The following KIF3A variants were observed in gnomAD, a reference collection of about 807,000 sequenced individuals.
KIF3A encodes kinesin family member 3A.
A neutral mutation model predicts 92.6 loss-of-function variants in KIF3A; 27 were observed. The ratio of observed to expected loss-of-function variants is 0.29; its 90% CI spans 0.21 to 0.40. The LOEUF (loss-of-function observed/expected upper bound fraction) is 0.40, where lower values mean the gene tolerates loss of function less well. Among genes scored for constraint, KIF3A ranks in the 10% least tolerant of loss-of-function variants. The probability of loss-of-function intolerance (pLI) is 1.00; values close to 1 mark genes in which losing one functional copy is unlikely to be tolerated. For synonymous variants in KIF3A, 250 were observed against 275.4 expected (o/e 0.91, Z 0.92); for missense variants, 581 against 872.6 (o/e 0.67, Z 4.21).
At chr5:132,718,249 C>T (rs1362526568) in intron 5 of KIF3A, among the ~76,000 whole-genome samples, 1 of 152,216 alleles carries the variant, frequency 6.6e-6, no homozygotes, top group Admixed American at 6.5e-5. Context: ...TTTATCCCCC[C>T]ACTGACAAAC....
intron 8 of KIF3A, 102 bp from the exon 9 acceptor site, chr5:132,711,159 AAAC>A (rs891706199): frequency 9.8e-7 from 1 of 1,025,542 alleles, no homozygotes; most frequent in African/African-American, 1.6e-5. Context: ...TTGTTACTGC[AAAC>A]AACAAATTTA....
intron 2 of KIF3A, 132 bp downstream of exon 2, chr5:132,734,073 G>T (rs2149924203): frequency 1.3e-6 from 1 of 747,774 alleles, no homozygotes; most frequent in Non-Finnish European, 2.1e-6. Context: ...TCTAAAGCTG[G>T]ATTGTGATGA....
chr5:132,715,632 A>C, intron 8 of KIF3A, 125 bp downstream of exon 8: 1 of 632,886 alleles, frequency 1.6e-6, no homozygotes, highest in Non-Finnish European at 2.6e-6. Flanking sequence ...TTCTAGAAAT[A>C]TTCATTTAAC....
chr5:132,701,644 T>C (rs942808076), intron 15 of KIF3A, among the ~76,000 whole-genome samples: 1 of 152,056 alleles, frequency 6.6e-6, no homozygotes, highest in African/African-American at 2.4e-5. Context: ...TGAATGATGG[T>C]ACAGGTTGCA....
chr5:132,690,343 AACGCACCACTGCACTC>A (rs1470338637), downstream of KIF3A, among the ~76,000 whole-genome samples: 2 of 152,156 alleles, frequency 1.3e-5, no homozygotes, highest in African/African-American at 4.8e-5. Flanking sequence ...GTGAGCTATG[AACGCACCACTGCACTC>A]ACGCCTGGGC....
At chr5:132,732,777 C>T (rs936144811) in intron 2 of KIF3A, among the ~76,000 whole-genome samples, 27 of 152,060 alleles carry the variant, frequency 1.8e-4, no homozygotes, top group African/African-American at 6.3e-4. Flanking sequence ...GGTGTGTTGG[C>T]GGGCGCCTGT....
intron 18 of KIF3A, among the ~76,000 whole-genome samples, chr5:132,698,922 G>C (rs949196600): frequency 6.6e-6 from 1 of 151,984 alleles, no homozygotes; most frequent in South Asian, 2.1e-4. Flanking sequence ...ATTTTTAGTA[G>C]AGACAGCGTT....
rs577498790 is a variant in KIF3A, at chr5:132,694,522, A to C, written c.*2112T>G. ...TAGGGTGGGATAGAAAAAATATCTA[A>C]CATACTGGCTTAAATTTCCATGTTT... On this transcript the variant is annotated 3_prime_UTR_variant, in exon 19 of 19. Transcript: ENST00000403231. 1.0e-4 allele frequency: 16 copies of C among 152,472 alleles called. No individual in the cohort carries two copies. The highest frequency in any genetic ancestry group is 4.4e-5 in the Non-Finnish European group (3 of 68,034). The allele number at this position is 152,472 out of a possible 1,614,324, so 9.4% of individuals were successfully genotyped here. A position where few individuals can be genotyped will look rare whatever the true frequency, so the allele number is the denominator to read the frequency against.
chr5:132,726,707 A>G (rs1421530008), intron 2 of KIF3A, among the ~76,000 whole-genome samples: 1 of 152,232 alleles, frequency 6.6e-6, no homozygotes, highest in East Asian at 1.9e-4. Flanking sequence ...AATGAGAGAT[A>G]TCCCTAAGAA....
At chr5:132,705,254 GTA>G (rs1201909731) in intron 11 of KIF3A, among the ~76,000 whole-genome samples, 2 of 151,894 alleles carry the variant, frequency 1.3e-5, no homozygotes, top group African/African-American at 4.8e-5. Flanking sequence ...ATCAGTTCAG[GTA>G]TATAGTAAGT....
Position 132,703,588 on chromosome 5 carries a change from A to C in KIF3A, c.1341T>G (p.Ile447Met), listed in dbSNP as rs754000350. 2.4e-5 allele frequency: 39 copies of C among 1,611,334 alleles called. No homozygotes were observed. In the Admixed American group the frequency reaches 6.0e-4, roughly 25 times the overall value. ...CCTCATCAATTTTTGCTTGCATTTC[A>C]ATCATCTTGTCTGGGGAGACTTTCT... ...GKKKVSPDKM[I>M]EMQAKIDEER... Residue 447 changes from isoleucine to methionine, a missense_variant, in exon 12 of 19, where the codon ATT (isoleucine) becomes ATG (methionine). By Grantham distance (10) the Ile-to-Met change is conservative. Around this residue, in one of 5 missense-constraint regions of KIF3A, gnomAD observed 167 missense variants for 205.8 expected, o/e 0.81. Transcript: ENST00000403231.
intron 8 of KIF3A, among the ~76,000 whole-genome samples, chr5:132,714,384 T>A (rs896878668): frequency 2.0e-5 from 3 of 152,170 alleles, no homozygotes; most frequent in Non-Finnish European, 4.4e-5. Context: ...GCCACAGAAA[T>A]GTAGACTTAA....
At chr5:132,712,338 C>T (rs2149902933) in intron 8 of KIF3A, among the ~76,000 whole-genome samples, 1 of 152,298 alleles carries the variant, frequency 6.6e-6, no homozygotes, top group South Asian at 2.1e-4. Context: ...TGAAAGAATA[C>T]AGGAACTACT....
chr5:132,717,048 A>C, intron 5 of KIF3A, 64 bp from the exon 6 acceptor site: 1 of 1,493,372 alleles, frequency 6.7e-7, no homozygotes, highest in Non-Finnish European at 9.2e-7. Context: ...ATAATTAAAC[A>C]TCCTGAACAG....
chr5:132,707,565 A>G (rs1444447004), intron 10 of KIF3A, among the ~76,000 whole-genome samples: 1 of 152,246 alleles, frequency 6.6e-6, no homozygotes, highest in Non-Finnish European at 1.5e-5. Flanking sequence ...ACAGTTTATT[A>G]TACAAAGTAA....
intron 4 of KIF3A, chr5:132,723,770 A>G (rs1753907094): frequency 6.6e-6 from 1 of 152,264 alleles, no homozygotes; most frequent in East Asian, 1.9e-4. Context: ...CACCAAAAGC[A>G]ATGGCAACAA....
intron 4 of KIF3A, 88 bp downstream of exon 4, chr5:132,726,040 T>C (rs1754021922): frequency 2.2e-6 from 2 of 899,986 alleles, no homozygotes; most frequent in Non-Finnish European, 3.4e-6. Context: ...AAAAAGCAAC[T>C]TTTGTTTAAA....
At chr5:132,691,988 TA>T (rs963411309), downstream of KIF3A, among the ~76,000 whole-genome samples, 15 of 148,090 alleles carry the variant, frequency 1.0e-4, no homozygotes, top group South Asian at 1.1e-3. Flanking sequence ...AAAATTTAAT[TA>T]AAAAAAAAGT....
chr5:132,690,141 G>A (rs1020669031), downstream of KIF3A, among the ~76,000 whole-genome samples: 5 of 152,294 alleles, frequency 3.3e-5, no homozygotes, highest in East Asian at 1.9e-4. Flanking sequence ...GCTTGAACTC[G>A]GGAGGCAGAG....
Sources: gnomAD v4.1 joint callset for allele counts (sites outside exome capture counted in the v4.1 genomes callset) on GRCh38, gnomAD v4.1.1 for gene constraint, gnomAD v4.1.1 regional missense constraint, MANE v1.5 for transcripts, NCBI Gene and HGNC (gene_info 2026-07-23, HGNC 2026-07-21) for gene names.